The following ADGRL3 variants were observed in gnomAD, a reference collection of about 807,000 sequenced individuals.
ADGRL3 encodes the protein calcium-independent alpha-latrotoxin receptor 3.
A neutral mutation model predicts 153.5 loss-of-function variants in ADGRL3; 62 were observed. That is an observed-to-expected ratio of 0.40 (90% CI 0.33 to 0.50). The LOEUF (loss-of-function observed/expected upper bound fraction) is 0.50, where lower values mean the gene tolerates loss of function less well. Among genes scored for constraint, ADGRL3 ranks in the 20% least tolerant of loss-of-function variants. ADGRL3 has a pLI of 0.47. For missense variants in ADGRL3, 1,641 were observed against 1,859.4 expected, an observed-to-expected ratio of 0.88 and a Z score of 2.16; for synonymous variants, 710 against 672.5, an observed-to-expected ratio of 1.06 and a Z score of -0.86.
intron 21 of ADGRL3, among the ~76,000 whole-genome samples, chr4:62,015,141 T>C (rs1325659211): frequency 6.6e-6 from 1 of 152,192 alleles, no homozygotes; most frequent in Non-Finnish European, 1.5e-5. Context: ...AGTCCTCACT[T>C]GAAAATTTCC....
intron 8 of ADGRL3, among the ~76,000 whole-genome samples, chr4:61,750,509 C>T (rs923917527): frequency 2.0e-5 from 3 of 152,028 alleles, no homozygotes; most frequent in South Asian, 2.1e-4. Context: ...GAACTGAAGT[C>T]GGCCGGGCGC....
chr4:62,008,003 T>C (rs1203386642), intron 21 of ADGRL3, among the ~76,000 whole-genome samples: 1 of 152,010 alleles, frequency 6.6e-6, no homozygotes. Context: ...TCAAATAAGA[T>C]GGGAACTTAG....
chr4:61,442,544 G>A (rs2097538812), intron 2 of ADGRL3, among the ~76,000 whole-genome samples: 1 of 152,172 alleles, frequency 6.6e-6, no homozygotes, highest in African/African-American at 2.4e-5. Context: ...AGAAGAGAAG[G>A]TCATGCTTGG....
intron 17 of ADGRL3, among the ~76,000 whole-genome samples, chr4:61,967,276 A>T (rs1246873534): frequency 6.6e-6 from 1 of 152,126 alleles, no homozygotes; most frequent in Admixed American, 6.6e-5. Context: ...GAATTTTTTT[A>T]AAAGGTAGAT....
intron 4 of ADGRL3, among the ~76,000 whole-genome samples, chr4:61,574,687 C>T (rs1283092845): frequency 6.6e-6 from 1 of 151,718 alleles, no homozygotes; most frequent in Non-Finnish European, 1.5e-5. Context: ...ACATACAAAA[C>T]AATTTTGAAT....
Position 61,600,622 on chromosome 4 carries a change from A to G in ADGRL3, c.473+13182A>G, listed in dbSNP as rs534501388. On this transcript the variant is annotated intron_variant, in intron 5 of 26. Transcript: ENST00000683033. The stretch of plus-strand genomic sequence containing the variant: ...AAACATAGAAAAATCTGTTTTTTCC[A>G]CAAGGATAGCACCAGAGTGCCAAAG... Among the ~76,000 whole-genome samples, 4 of 152,308 alleles carry G rather than the reference A, an allele frequency of 2.6e-5. 1 individual carries two copies. Among genetic ancestry groups the G allele is most frequent in the African/African-American group, 9.6e-5 (4 of 41,566 alleles).
intron 13 of ADGRL3, among the ~76,000 whole-genome samples, chr4:61,919,880 A>G (rs571798079): frequency 1.3e-5 from 2 of 152,332 alleles, no homozygotes; most frequent in East Asian, 1.9e-4. Flanking sequence ...CTGTAAATAA[A>G]CAAATGTTCC....
At chr4:61,841,155 C>T (rs772041622) in intron 9 of ADGRL3, among the ~76,000 whole-genome samples, 2 of 152,166 alleles carry the variant, frequency 1.3e-5, no homozygotes, top group Non-Finnish European at 2.9e-5. Flanking sequence ...CCCTACTCTA[C>T]CCTCTCCTCT....
At chr4:62,006,129 G>A (rs537819581) in intron 21 of ADGRL3, among the ~76,000 whole-genome samples, 6 of 148,950 alleles carry the variant, frequency 4.0e-5, no homozygotes, top group Admixed American at 2.0e-4. Flanking sequence ...CCACCTCCTG[G>A]ATTTAAGGGA....
At chr4:61,252,928 C>G (rs1018079265) in intron 1 of ADGRL3, among the ~76,000 whole-genome samples, 2 of 152,064 alleles carry the variant, frequency 1.3e-5, no homozygotes, top group African/African-American at 4.8e-5. Flanking sequence ...GGTAAACTTG[C>G]CTTTTCTGGA....
intron 1 of ADGRL3, among the ~76,000 whole-genome samples, chr4:61,217,442 A>G (rs527476904): frequency 1.2e-4 from 19 of 152,320 alleles, no homozygotes; most frequent in Admixed American, 5.9e-4. Flanking sequence ...GAGGAGGTTA[A>G]TAGAGCTGAG....
chr4:61,716,639 G>T (rs1160876425), intron 6 of ADGRL3, among the ~76,000 whole-genome samples: 2 of 152,066 alleles, frequency 1.3e-5, no homozygotes, highest in Non-Finnish European at 2.9e-5. Context: ...TATGTATTGT[G>T]CAATAAACAC....
intron 4 of ADGRL3, among the ~76,000 whole-genome samples, chr4:61,542,965 C>T (rs2098697056): frequency 1.3e-5 from 2 of 152,148 alleles, no homozygotes; most frequent in Non-Finnish European, 1.5e-5. Context: ...TTAACAACTC[C>T]TCAGTCCCAT....
intron 5 of ADGRL3, among the ~76,000 whole-genome samples, chr4:61,636,940 T>C (rs1307266274): frequency 6.6e-6 from 1 of 152,034 alleles, no homozygotes; most frequent in Non-Finnish European, 1.5e-5. Flanking sequence ...ACACAAGGGA[T>C]CGGAGGGTGA....
At chr4:61,514,186 C>T (rs978614779) in intron 3 of ADGRL3, among the ~76,000 whole-genome samples, 1 of 152,146 alleles carries the variant, frequency 6.6e-6, no homozygotes. Context: ...TAGATACCAC[C>T]TTCCTTGACC....
chr4:61,466,928 T>A (rs749033542), intron 2 of ADGRL3, among the ~76,000 whole-genome samples: 12 of 151,936 alleles, frequency 7.9e-5, no homozygotes, highest in Non-Finnish European at 1.5e-4. Flanking sequence ...TAAGATTTAA[T>A]GAAAAAAATA....
At chr4:61,631,695 G>A (rs553774408) in intron 5 of ADGRL3, among the ~76,000 whole-genome samples, 1 of 152,238 alleles carries the variant, frequency 6.6e-6, no homozygotes, top group Admixed American at 6.5e-5. Context: ...CACAGATGAA[G>A]AAGAAAATGA....
chr4:61,400,466 T>A (rs1407470472), intron 2 of ADGRL3, among the ~76,000 whole-genome samples: 1 of 151,850 alleles, frequency 6.6e-6, no homozygotes, highest in African/African-American at 2.4e-5. Flanking sequence ...AAATAATTCC[T>A]CTGTTAAACC....
At position 61,860,781 on chromosome 4, in the gene ADGRL3, T is replaced by C. The variant is rs2098332595; in HGVS notation, c.1481-31875T>C. ...CTTCTTTGTGTTTTATACTTTCTCA[T>C]TTAATGATCATCATAATATTATTAG... On this transcript the variant is annotated intron_variant, in intron 9 of 26. Coordinates refer to ENST00000683033, the MANE Select transcript of ADGRL3 (RefSeq NM_001387552.1). Among the ~76,000 whole-genome samples, 2 of 152,190 alleles carry C rather than the reference T, an allele frequency of 1.3e-5. 1 individual carries two copies. Among genetic ancestry groups the C allele is most frequent in the South Asian group, 4.1e-4 (2 of 4,832 alleles).
Sources: allele counts gnomAD v4.1 joint callset (sites outside exome capture counted in the v4.1 genomes callset), GRCh38; gene constraint gnomAD v4.1.1; transcripts MANE v1.5; gene names NCBI Gene and HGNC (gene_info 2026-07-23, HGNC 2026-07-21).